The following GPC5 variants were observed in gnomAD, a reference collection of about 807,000 sequenced individuals.
GPC5 encodes glypican-5.
A neutral mutation model predicts 53.9 loss-of-function variants in GPC5; 47 were observed. The ratio of observed to expected loss-of-function variants is 0.87; its 90% CI spans 0.69 to 1.11. The LOEUF (loss-of-function observed/expected upper bound fraction) is 1.11. GPC5 is among the 50% of genes most tolerant of loss of function. The pLI is 0.00. For missense variants in GPC5, 748 were observed against 713.1 expected, an observed-to-expected ratio of 1.05 and a Z score of -0.56; for synonymous variants, 286 against 263.3, an observed-to-expected ratio of 1.09 and a Z score of -0.84.
intron 6 of GPC5, among the ~76,000 whole-genome samples, chr13:92,018,319 A>T (rs2040727044): frequency 6.6e-6 from 1 of 152,132 alleles, no homozygotes; most frequent in African/African-American, 2.4e-5. Flanking sequence ...TGTATGTTTA[A>T]AAAAAGGTTT....
rs193155789 is a variant in GPC5 at position 91,531,302 on chromosome 13, C to A, written c.325+82380C>A. Among the ~76,000 whole-genome samples the A allele has an allele frequency of 4.6e-5, 7 of 152,290 alleles. No individual in the cohort carries two copies. In the East Asian group the frequency reaches 1.2e-3, roughly 25 times the overall value. ...AGGGACCTTGATACTTACTGAATAG[C>A]TTTAGCTATCCAAATCATTCTAAAA... On this transcript the variant is annotated intron_variant, in intron 2 of 7. Coordinates refer to ENST00000377067, the MANE Select transcript of GPC5 (RefSeq NM_004466.6).
intron 7 of GPC5, among the ~76,000 whole-genome samples, chr13:92,437,060 C>T (rs1354840421): frequency 6.6e-6 from 1 of 152,174 alleles, no homozygotes; most frequent in Non-Finnish European, 1.5e-5. Context: ...AATCAAACTG[C>T]AATCCCAGAA....
chr13:92,217,092 C>T lies in GPC5; in HGVS notation c.1561+72103C>T, dbSNP rs551127104. Among the ~76,000 whole-genome samples, 5 of 152,202 alleles carry T rather than the reference C, an allele frequency of 3.3e-5. No homozygotes were observed. In the South Asian group the frequency reaches 1.0e-3, roughly 32 times the overall value. ...CTGCAGTCTTCACTATTGCACTTAC[C>T]ACCTTCTCTAAAGATAGTGATGGCT... On this transcript the variant is annotated intron_variant, in intron 7 of 7. Coordinates refer to ENST00000377067, the MANE Select transcript of GPC5 (RefSeq NM_004466.6).
chr13:92,726,212 G>A (rs1183460246), intron 7 of GPC5, among the ~76,000 whole-genome samples: 2 of 151,348 alleles, frequency 1.3e-5, no homozygotes, highest in Admixed American at 1.3e-4. Flanking sequence ...TTTAGTTTAG[G>A]CACTCTTCCC....
chr13:92,108,837 C>T (rs1019881538), intron 6 of GPC5, among the ~76,000 whole-genome samples: 7 of 152,050 alleles, frequency 4.6e-5, no homozygotes, highest in Non-Finnish European at 2.9e-5. Flanking sequence ...ACTTCTAGAC[C>T]TGCCAAGATT....
At chr13:92,000,991 G>A (rs553786118) in intron 6 of GPC5, among the ~76,000 whole-genome samples, 53 of 149,424 alleles carry the variant, frequency 3.5e-4, no homozygotes, top group Admixed American at 5.9e-4. Flanking sequence ...GGCCTTAGCT[G>A]TATTGGCTTT....
intron 7 of GPC5, among the ~76,000 whole-genome samples, chr13:92,752,929 G>A (rs2139328150): frequency 6.6e-6 from 1 of 152,314 alleles, no homozygotes; most frequent in South Asian, 2.1e-4. Context: ...GCATACCATT[G>A]CCCAGGCTTG....
intron 5 of GPC5, among the ~76,000 whole-genome samples, chr13:91,787,437 T>A (rs2037897207): frequency 6.6e-6 from 1 of 152,202 alleles, no homozygotes; most frequent in Non-Finnish European, 1.5e-5. Context: ...ATCATATGTT[T>A]TTAAAATTTG....
At chr13:92,715,178 T>A (rs865813822) in intron 7 of GPC5, among the ~76,000 whole-genome samples, 1 of 152,330 alleles carries the variant, frequency 6.6e-6, no homozygotes, top group South Asian at 2.1e-4. Flanking sequence ...AACATTATTT[T>A]CAAAACAGTT....
intron 7 of GPC5, among the ~76,000 whole-genome samples, chr13:92,784,590 A>C (rs1405782157): frequency 6.6e-6 from 1 of 152,174 alleles, no homozygotes; most frequent in Non-Finnish European, 1.5e-5. Context: ...AGATGAAAAT[A>C]AATGTTGTAC....
At chr13:91,497,484 ATCTCT>A (rs1594168254) in intron 2 of GPC5, among the ~76,000 whole-genome samples, 1 of 152,322 alleles carries the variant, frequency 6.6e-6, no homozygotes, top group East Asian at 1.9e-4. Flanking sequence ...GAAATGTCTT[ATCTCT>A]TCTTCATGCC....
intron 5 of GPC5, among the ~76,000 whole-genome samples, chr13:91,800,797 C>T (rs2938868): frequency 0.36 from 54,649 of 151,668 alleles, 11,161 homozygotes; most frequent in African/African-American, 0.56. Context: ...TCTAGAGTCG[C>T]GTTTCTATTT....
chr13:92,504,433 A>AT (rs1880295092), intron 7 of GPC5, among the ~76,000 whole-genome samples: 1 of 152,024 alleles, frequency 6.6e-6, no homozygotes, highest in African/African-American at 2.4e-5. Context: ...TGTAGATTTA[A>AT]TGCAAGTCCA....
At chr13:92,574,835 T>C (rs1215052938) in intron 7 of GPC5, among the ~76,000 whole-genome samples, 1 of 152,190 alleles carries the variant, frequency 6.6e-6, no homozygotes, top group Non-Finnish European at 1.5e-5. Flanking sequence ...CTTGAGAGTG[T>C]TATTTGCTGG....
intron 5 of GPC5, among the ~76,000 whole-genome samples, chr13:91,810,999 C>T (rs2038303567): frequency 6.7e-6 from 1 of 150,348 alleles, no homozygotes; most frequent in Non-Finnish European, 1.5e-5. Context: ...CTCACATTCT[C>T]AACATTATTT....
rs747907678 is a variant in GPC5 at position 91,897,717 on chromosome 13, G to C, written c.1281-10220G>C. Reference sequence around the variant, plus strand: ...AGGAAAAAAATTCCATTAAATGTAGGTTCAATAAATGTATTAGAAAACATT... The same window carrying C: ...AGGAAAAAAATTCCATTAAATGTAGCTTCAATAAATGTATTAGAAAACATT... On this transcript the variant is annotated intron_variant, in intron 5 of 7. Transcript: ENST00000377067. 3.5e-4 allele frequency among the ~76,000 whole-genome samples: 54 copies of C among 152,118 alleles called. 1 individual carries two copies. The highest frequency in any genetic ancestry group is 8.8e-5 in the Non-Finnish European group (6 of 68,018).
At chr13:91,934,333 T>C (rs2039849990) in intron 6 of GPC5, among the ~76,000 whole-genome samples, 1 of 151,886 alleles carries the variant, frequency 6.6e-6, no homozygotes, top group South Asian at 2.1e-4. Context: ...GAGTTAAGTA[T>C]CAAGAAAAGT....
At chr13:91,956,450 C>T (rs2040074575) in intron 6 of GPC5, among the ~76,000 whole-genome samples, 1 of 152,172 alleles carries the variant, frequency 6.6e-6, no homozygotes, top group South Asian at 2.1e-4. Context: ...GTCATACTGC[C>T]TAGAAGCTTG....
intron 7 of GPC5, among the ~76,000 whole-genome samples, chr13:92,844,846 G>A (rs1318827071): frequency 6.6e-6 from 1 of 152,124 alleles, no homozygotes; most frequent in Non-Finnish European, 1.5e-5. Flanking sequence ...CAGTAAATGT[G>A]CAACGTATTT....
Sources: allele counts gnomAD v4.1 joint callset (sites outside exome capture counted in the v4.1 genomes callset), GRCh38; gene constraint gnomAD v4.1.1; transcripts MANE v1.5; gene names NCBI Gene and HGNC (gene_info 2026-07-23, HGNC 2026-07-21).